NREP: variants seen among roughly 807,000 people sequenced by gnomAD.
NREP encodes neuronal regeneration-related protein.
A neutral mutation model predicts 8.6 loss-of-function variants in NREP; 5 were observed. The observed-to-expected ratio is 0.58, with a 90% confidence interval of 0.30 to 1.22. The LOEUF is 1.22. NREP is among the 50% of genes most tolerant of loss of function. NREP has a pLI of 0.07. For missense variants in NREP, 86 were observed against 82.5 expected (o/e 1.04, Z -0.17); for synonymous variants, 27 against 28.0 (o/e 0.96, Z 0.11).
chr5:111,899,066 C>G (rs1052191194), intron 2 of NREP, among the ~76,000 whole-genome samples: 1 of 152,084 alleles, frequency 6.6e-6, no homozygotes, highest in African/African-American at 2.4e-5. Context: ...CATCACTAGA[C>G]CAGCACAACA....
chr5:111,911,781 A>G (rs1754918830), intron 2 of NREP, among the ~76,000 whole-genome samples: 1 of 152,132 alleles, frequency 6.6e-6, no homozygotes, highest in Non-Finnish European at 1.5e-5. Flanking sequence ...CAAAAGCTTG[A>G]GGAGACCTCT....
chr5:111,814,748 G>A (rs552026296), intron 2 of NREP, among the ~76,000 whole-genome samples: 77 of 152,186 alleles, frequency 5.1e-4, no homozygotes, highest in African/African-American at 1.8e-3. Context: ...AAGGCTAAAA[G>A]AATGGGAGTA....
chr5:111,757,262 G>T, upstream of NREP: 1 of 150,584 alleles, frequency 6.6e-6, no homozygotes, highest in Non-Finnish European at 1.2e-5. Flanking sequence ...GAGGGAGGGG[G>T]AGGGGAAAGG....
chr5:111,799,482 A>T (rs1321512589), intron 2 of NREP, among the ~76,000 whole-genome samples: 1 of 152,228 alleles, frequency 6.6e-6, no homozygotes, highest in African/African-American at 2.4e-5. Flanking sequence ...GAAGAAGACC[A>T]ATTGCCCTAG....
chr5:111,757,380 C>T, upstream of NREP: 3 of 956,672 alleles, frequency 3.1e-6, no homozygotes, highest in Non-Finnish European at 3.7e-6. Flanking sequence ...CTCCCTGCCT[C>T]GCGCTCTCTC....
chr5:111,932,920 G>C (rs1405265824), intron 2 of NREP, among the ~76,000 whole-genome samples: 1 of 152,028 alleles, frequency 6.6e-6, no homozygotes, highest in Non-Finnish European at 1.5e-5. Context: ...CACAGCAGTT[G>C]ATTAGGACTT....
At chr5:111,803,258 C>T (rs965654326) in intron 2 of NREP, among the ~76,000 whole-genome samples, 1 of 151,916 alleles carries the variant, frequency 6.6e-6, no homozygotes, top group Non-Finnish European at 1.5e-5. Context: ...AGTAGGTAAA[C>T]CCTTCAAAGG....
intron 2 of NREP, among the ~76,000 whole-genome samples, chr5:111,942,501 GC>G (rs1330449850): frequency 2.0e-5 from 3 of 151,820 alleles, no homozygotes; most frequent in African/African-American, 7.3e-5. Flanking sequence ...TTTTTTCATT[GC>G]AAAGCAGTTT....
At chr5:111,850,658 T>C (rs1009168768) in intron 2 of NREP, among the ~76,000 whole-genome samples, 1 of 152,192 alleles carries the variant, frequency 6.6e-6, no homozygotes, top group Non-Finnish European at 1.5e-5. Flanking sequence ...CTTCCTATTA[T>C]TGTTGCCAGT....
At chr5:111,741,863 T>A (rs1032396030) in intron 2 of NREP, among the ~76,000 whole-genome samples, 22 of 92,424 alleles carry the variant, frequency 2.4e-4, no homozygotes, top group South Asian at 1.4e-3. Context: ...ACACACACAC[T>A]GGAGCTGGCT....
At chr5:111,764,783 TGACA>T (rs1751042555) in intron 2 of NREP, among the ~76,000 whole-genome samples, 1 of 152,200 alleles carries the variant, frequency 6.6e-6, no homozygotes. Flanking sequence ...GGTAAACCCC[TGACA>T]GAAACTTCAG....
chr5:111,738,369 A>G (rs1281049573), intron 2 of NREP: 1 of 152,218 alleles, frequency 6.6e-6, no homozygotes, highest in Non-Finnish European at 1.5e-5. Flanking sequence ...GATGTGGAGA[A>G]TGGGTGATCC....
At chr5:111,966,824 T>G (rs2112663009) in intron 2 of NREP, among the ~76,000 whole-genome samples, 1 of 152,330 alleles carries the variant, frequency 6.6e-6, no homozygotes, top group African/African-American at 2.4e-5. Context: ...CCAATCTGTT[T>G]TTTGTCCACT....
intron 2 of NREP, among the ~76,000 whole-genome samples, chr5:111,832,061 G>C (rs529786381): frequency 2.9e-4 from 44 of 152,242 alleles, no homozygotes; most frequent in Non-Finnish European, 3.4e-4. Flanking sequence ...CTAAGAGTGA[G>C]TAGGAAATGA....
At chr5:111,817,971 T>G (rs1752432353) in intron 2 of NREP, among the ~76,000 whole-genome samples, 1 of 152,028 alleles carries the variant, frequency 6.6e-6, no homozygotes, top group Non-Finnish European at 1.5e-5. Context: ...TTACATCACA[T>G]CATCTGAAAG....
chr5:111,807,965 G>A (rs989870432), intron 2 of NREP, among the ~76,000 whole-genome samples: 2 of 152,120 alleles, frequency 1.3e-5, no homozygotes, highest in Non-Finnish European at 2.9e-5. Context: ...TCTCAATTCA[G>A]TTAAATAAGG....
intron 2 of NREP, among the ~76,000 whole-genome samples, chr5:111,804,896 G>A (rs1752105002): frequency 6.6e-6 from 1 of 152,164 alleles, no homozygotes; most frequent in Non-Finnish European, 1.5e-5. Context: ...AGCTACTGGG[G>A]AGGCTGAGGC....
intron 2 of NREP, among the ~76,000 whole-genome samples, chr5:111,904,943 T>C (rs1162417911): frequency 2.6e-5 from 4 of 152,056 alleles, no homozygotes; most frequent in Non-Finnish European, 5.9e-5. Flanking sequence ...CGGGATCCAT[T>C]TGTCCTCCCT....
intron 2 of NREP, among the ~76,000 whole-genome samples, chr5:111,888,313 T>C (rs1434766138): frequency 7.9e-5 from 12 of 151,570 alleles, no homozygotes; most frequent in Admixed American, 7.2e-4. Context: ...AGAGGTTTAA[T>C]TGACTCACAG....
Sources: allele counts gnomAD v4.1 joint callset (sites outside exome capture counted in the v4.1 genomes callset), GRCh38; gene constraint gnomAD v4.1.1; transcripts MANE v1.5; gene names NCBI Gene and HGNC (gene_info 2026-07-23, HGNC 2026-07-21).